Variants in AOPEP observed in about 807,000 individuals in gnomAD.
The protein encoded by AOPEP is aminopeptidase O (putative).
A neutral mutation model predicts 98.1 loss-of-function variants in AOPEP; 77 were observed. The observed-to-expected ratio is 0.78, with a 90% CI of 0.65 to 0.95. The LOEUF (loss-of-function observed/expected upper bound fraction) is 0.95, where lower values mean the gene tolerates loss of function less well. Ranked by LOEUF, AOPEP falls within the 40% of genes least tolerant of loss-of-function variation. The pLI, the probability that AOPEP is intolerant of heterozygous loss-of-function variation, is 0.00. For synonymous variants in AOPEP, 346 were observed against 365.3 expected, an observed-to-expected ratio of 0.95 and a Z score of 0.60; for missense variants, 1,024 against 1,024.7, an observed-to-expected ratio of 1.00 and a Z score of 0.01.
At chr9:94,984,319 G>A (rs901869384) in intron 11 of AOPEP, among the ~76,000 whole-genome samples, 7 of 152,232 alleles carry the variant, frequency 4.6e-5, no homozygotes, top group Middle Eastern at 3.4e-3. Flanking sequence ...CTGAGCCACC[G>A]CACCTAGCCG....
intron 14 of AOPEP, among the ~76,000 whole-genome samples, chr9:95,076,548 G>A (rs149864524): frequency 9.2e-5 from 14 of 152,308 alleles, no homozygotes; most frequent in African/African-American, 2.9e-4. Context: ...CATGGGAATC[G>A]TAAGTCAAGA....
chr9:94,783,499 G>A (rs1843731690), intron 3 of AOPEP, among the ~76,000 whole-genome samples: 3 of 152,154 alleles, frequency 2.0e-5, no homozygotes, highest in Admixed American at 1.3e-4. Flanking sequence ...TCACGCTATG[G>A]GTATTCACGA....
the AOPEP span, among the ~76,000 whole-genome samples, chr9:95,143,053 A>G: frequency 4.6e-5 from 7 of 152,218 alleles, no homozygotes. Flanking sequence ...CCAACTAGCT[A>G]TAAAATCAGA....
chr9:95,135,825 C>T, the AOPEP span, among the ~76,000 whole-genome samples: 1 of 152,224 alleles, frequency 6.6e-6, no homozygotes, highest in African/African-American at 2.4e-5. Context: ...TCGTGATGCC[C>T]AGTCCCTAAC....
intron 5 of AOPEP, 132 bp downstream of exon 5, chr9:94,801,134 C>T: frequency 9.6e-7 from 1 of 1,043,472 alleles, no homozygotes; most frequent in Non-Finnish European, 1.4e-6. Context: ...CATGCTTGGA[C>T]ATCTCATTGC....
At chr9:94,877,176 A>T (rs189446926) in intron 5 of AOPEP, among the ~76,000 whole-genome samples, 2 of 152,318 alleles carry the variant, frequency 1.3e-5, no homozygotes, top group East Asian at 3.9e-4. Context: ...AGCCAGGCTA[A>T]ATAGCAACAT....
At chr9:94,790,066 G>A (rs1055991675) in intron 3 of AOPEP, among the ~76,000 whole-genome samples, 1 of 151,344 alleles carries the variant, frequency 6.6e-6, no homozygotes, top group South Asian at 2.1e-4. Context: ...TAGTAGAGAC[G>A]GGGTTTCACC....
At chr9:95,140,824 G>A in the AOPEP span, among the ~76,000 whole-genome samples, 2 of 152,108 alleles carry the variant, frequency 1.3e-5, no homozygotes, top group East Asian at 3.9e-4. Context: ...TCAGACAAAA[G>A]TTGCCATCAT....
At position 95,067,353 on chromosome 9, in the gene AOPEP, G is replaced by C. The variant is rs1311562783; in HGVS notation, c.2232+6543G>C. Among the ~76,000 whole-genome samples the C allele has an allele frequency of 3.9e-5, 6 of 152,192 alleles. No homozygotes were observed. The East Asian group carries it at 1.2e-3, about 29-fold the overall frequency. ...ATATTTAGAACATAAACACAGTAGA[G>C]ATTGGCTAAACTTTGTGGGGTGGCA... On this transcript the variant is annotated intron_variant, in intron 14 of 16. Transcript: ENST00000375315.
intron 5 of AOPEP, chr9:94,824,124 G>A (rs1853914401): frequency 6.6e-6 from 1 of 152,158 alleles, no homozygotes; most frequent in South Asian, 2.1e-4. Flanking sequence ...GAATCACCGT[G>A]ACAGTTATCC....
chr9:94,795,607 T>C (rs891447620), intron 4 of AOPEP, among the ~76,000 whole-genome samples: 1 of 152,202 alleles, frequency 6.6e-6, no homozygotes, highest in African/African-American at 2.4e-5. Context: ...GACAGACATT[T>C]GTTATTTTGC....
chr9:94,754,980 C>T (rs1272801809), intron 1 of AOPEP, among the ~76,000 whole-genome samples: 12 of 152,140 alleles, frequency 7.9e-5, no homozygotes, highest in Admixed American at 2.6e-4. Context: ...TCCTCTTCCC[C>T]CTTAAGAAAA....
chr9:95,093,511 CAA>C, the AOPEP span, among the ~76,000 whole-genome samples: 3 of 152,202 alleles, frequency 2.0e-5, no homozygotes, highest in Non-Finnish European at 4.4e-5. Flanking sequence ...TTAGAGCAAA[CAA>C]AGAGTCTTCC....
chr9:95,003,321 G>A (rs2061690722), intron 11 of AOPEP, among the ~76,000 whole-genome samples: 1 of 152,164 alleles, frequency 6.6e-6, no homozygotes, highest in Non-Finnish European at 1.5e-5. Flanking sequence ...CTGGACTATT[G>A]GAATTTATTT....
At chr9:94,932,033 T>TA (rs2055408128) in intron 7 of AOPEP, 1 of 1,176,366 alleles carries the variant, frequency 8.5e-7, no homozygotes, top group Admixed American at 4.4e-5. Flanking sequence ...CTCTAGCTGA[T>TA]AAAGAAGAGA....
intron 1 of AOPEP, among the ~76,000 whole-genome samples, chr9:94,744,668 T>A (rs1276544000): frequency 7.8e-6 from 1 of 128,768 alleles, no homozygotes; most frequent in East Asian, 2.2e-4. Flanking sequence ...GCCATTGCAC[T>A]CCAGCCTGGG....
chr9:95,012,987 T>TTG lies in AOPEP; in HGVS notation c.2115+7371_2115+7372insTG, dbSNP rs763512878. 1.3e-3 allele frequency among the ~76,000 whole-genome samples: 84 copies of TTG among 62,676 alleles called. 2 individuals are homozygous for TTG. Among genetic ancestry groups the TTG allele is most frequent in the African/African-American group, 2.1e-3 (40 of 19,342 alleles). 41.1% of individuals were successfully genotyped at this position (62,676 alleles called of 152,430 possible). A position where few individuals can be genotyped will look rare whatever the true frequency, so the allele number is the denominator to read the frequency against. On this transcript the variant is annotated intron_variant, in intron 13 of 16. Transcript: ENST00000375315. ...TGGTAGAGTTTTCCTGTTTTTTTTT[T>TTG]GGGGGGGGGGGCAGGGCGATTATCT... is the stretch of plus-strand genomic sequence containing the variant.
the AOPEP span, among the ~76,000 whole-genome samples, chr9:95,130,019 C>G: frequency 1.3e-5 from 2 of 152,088 alleles, no homozygotes; most frequent in African/African-American, 2.4e-5. Context: ...AAGACAAAGT[C>G]AACATGGAAT....
chr9:94,981,242 A>G (rs913710741), intron 11 of AOPEP, among the ~76,000 whole-genome samples: 1 of 152,142 alleles, frequency 6.6e-6, no homozygotes, highest in Non-Finnish European at 1.5e-5. Flanking sequence ...TCATTAAAAG[A>G]GGGAGGGGTC....
Sources: allele counts gnomAD v4.1 joint callset (sites outside exome capture counted in the v4.1 genomes callset), GRCh38; gene constraint gnomAD v4.1.1; transcripts MANE v1.5; gene names NCBI Gene and HGNC (gene_info 2026-07-23, HGNC 2026-07-21).